The following PPP1R37 variants were observed in gnomAD, a reference collection of about 807,000 sequenced individuals.
PPP1R37 encodes protein phosphatase 1 regulatory subunit 37, also known as leucine rich repeat containing 68.
A neutral mutation model predicts 61.0 loss-of-function variants in PPP1R37; 21 were observed. That is an observed-to-expected ratio of 0.34 (90% CI 0.24 to 0.50). PPP1R37 has a LOEUF of 0.50. Ranked by LOEUF, PPP1R37 falls within the 20% of genes least tolerant of loss-of-function variation. PPP1R37 has a pLI of 0.98. For synonymous variants in PPP1R37, 443 were observed against 433.5 expected, an observed-to-expected ratio of 1.02 and a Z score of -0.27; for missense variants, 910 against 952.7, an observed-to-expected ratio of 0.96 and a Z score of 0.59.
At chr19:45,125,672 A>G (rs1449039525) in intron 1 of PPP1R37, among the ~76,000 whole-genome samples, 1 of 152,058 alleles carries the variant, frequency 6.6e-6, no homozygotes, top group East Asian at 1.9e-4. Context: ...CCTGTCCCTG[A>G]CCGATCATTG....
Position 45,146,597 on chromosome 19 carries a change from G to C in PPP1R37, c.*35G>C. ...TCCCTTTTTCCGGTCGGTCTGCGAT[G>C]AGCTGAGGCCAGAGCCATGAGAATC... On this transcript the variant is annotated 3_prime_UTR_variant, in exon 13 of 13. Coordinates refer to ENST00000221462, the MANE Select transcript of PPP1R37 (RefSeq NM_019121.2). The C allele has an allele frequency of 1.4e-6, 1 of 718,564 alleles. No individual in the cohort carries two copies. The highest frequency in any genetic ancestry group is 2.3e-6 in the Non-Finnish European group (1 of 431,406). The allele number at this position is 718,564 out of a possible 1,614,324, so 44.5% of individuals were successfully genotyped here.
rs543868323 is a variant in PPP1R37 at position 45,145,822 on chromosome 19, C to T, written c.1766C>T (p.Pro589Leu). 7.8e-6 allele frequency: 11 copies of T among 1,419,064 alleles called. No homozygotes were observed. The South Asian group carries it at 1.3e-4, about 17-fold the overall frequency. 87.9% of individuals were successfully genotyped at this position (1,419,064 alleles called of 1,614,324 possible). ...GCAGAGCCCCCTGCGTCCCCCACCC[C>T]TCCCTCTCCCCCACCCCCTCCCTCC... ...ERAEPPASPTPPSPPPPPSPP... is the reference protein window; with the variant it reads ...ERAEPPASPTLPSPPPPPSPP... Residue 589 changes from proline to leucine, a missense_variant, in exon 11 of 13, where the codon CCT (proline) becomes CTT (leucine). Pro to Leu is a moderately conservative substitution (Grantham distance 98). This residue lies in a region of PPP1R37 where 549 missense variants were observed against 505.1 expected (regional missense o/e 1.09). Transcript: ENST00000221462.
At position 45,141,198 on chromosome 19, in the gene PPP1R37, C is replaced by G. The variant is rs1227149423; in HGVS notation, c.448-124C>G. On this transcript the variant is annotated intron_variant, in intron 4 of 12. Coordinates refer to ENST00000221462, the MANE Select transcript of PPP1R37 (RefSeq NM_019121.2). ...GGGCCCTGTCTGTGCTTGTCCTCCTCTCCCGTGTGGCTCTCTCCAGACCCT... is the reference window on the plus strand; with the variant it reads ...GGGCCCTGTCTGTGCTTGTCCTCCTGTCCCGTGTGGCTCTCTCCAGACCCT... 17 of 1,089,152 alleles carry G rather than the reference C, an allele frequency of 1.6e-5. No homozygotes were observed. The East Asian group carries it at 4.1e-4, about 26-fold the overall frequency. 67.5% of individuals were successfully genotyped at this position (1,089,152 alleles called of 1,614,324 possible). A position where few individuals can be genotyped will look rare whatever the true frequency, so the allele number is the denominator to read the frequency against.
At chr19:45,128,582 G>T in intron 1 of PPP1R37, 1 of 1,263,744 alleles carries the variant, frequency 7.9e-7, no homozygotes. Context: ...CAGATGATTT[G>T]GACTTCGAGA....
intron 1 of PPP1R37, among the ~76,000 whole-genome samples, chr19:45,125,797 G>A (rs753973834): frequency 6.6e-6 from 1 of 152,192 alleles, no homozygotes; most frequent in African/African-American, 2.4e-5. Flanking sequence ...AGAGAGATTG[G>A]GTGACCAAGG....
chr19:45,142,805 T>C, intron 7 of PPP1R37: 1 of 264,390 alleles, frequency 3.8e-6, no homozygotes, highest in Non-Finnish European at 7.3e-6. Flanking sequence ...GAGGCTGCTT[T>C]CAGATGGGAG....
chr19:45,102,642 C>T (rs888588232), intron 1 of PPP1R37, among the ~76,000 whole-genome samples: 21 of 152,198 alleles, frequency 1.4e-4, no homozygotes, highest in African/African-American at 4.1e-4. Context: ...AGTGTGATTT[C>T]GGCTCCTCCA....
At chr19:45,110,116 C>CTTTTT (rs373508881) in intron 1 of PPP1R37, among the ~76,000 whole-genome samples, 4 of 142,490 alleles carry the variant, frequency 2.8e-5, no homozygotes, top group Non-Finnish European at 4.6e-5. Context: ...TTCCCTTTTT[C>CTTTTT]TTTTTTTTTT....
At chr19:45,126,506 G>C (rs1968406937) in intron 1 of PPP1R37, among the ~76,000 whole-genome samples, 1 of 152,208 alleles carries the variant, frequency 6.6e-6, no homozygotes, top group South Asian at 2.1e-4. Flanking sequence ...TGCCATGTTG[G>C]TGGTTATTTA....
rs971281025 is a variant in PPP1R37 at position 45,142,596 on chromosome 19, C to G, written c.874+138C>G. On this transcript the variant is annotated intron_variant, in intron 7 of 12. Transcript: ENST00000221462. ...CCTGCTGGGGCTCCCAGGAGGAAGA[C>G]AGACCCGCCCTAGACAGTGACAACC... 3.5e-5 allele frequency: 31 copies of G among 892,384 alleles called. No homozygotes were observed. In the African/African-American group the frequency reaches 5.2e-4, roughly 15 times the overall value. The allele number at this position is 892,384 out of a possible 1,614,324, so 55.3% of individuals were successfully genotyped here. A position where few individuals can be genotyped will look rare whatever the true frequency, so the allele number is the denominator to read the frequency against.
At chr19:45,101,267 G>T (rs1233074454) in intron 1 of PPP1R37, among the ~76,000 whole-genome samples, 1 of 152,196 alleles carries the variant, frequency 6.6e-6, no homozygotes, top group Non-Finnish European at 1.5e-5. Flanking sequence ...AGGGGTGGAA[G>T]GCAGAGAGAA....
intron 2 of PPP1R37, among the ~76,000 whole-genome samples, chr19:45,139,993 G>A (rs890707530): frequency 5.3e-5 from 8 of 152,052 alleles, no homozygotes; most frequent in Admixed American, 1.3e-4. Context: ...AGAGGGCTTC[G>A]CCCAGGCCTG....
Position 45,143,538 on chromosome 19 carries a change from G to C in PPP1R37, c.892G>C (p.Glu298Gln). The C allele has an allele frequency of 6.5e-7, 1 of 1,535,108 alleles. No homozygotes were observed. Among genetic ancestry groups the C allele is most frequent in the Non-Finnish European group, 8.7e-7 (1 of 1,146,114 alleles). Residue 298 changes from glutamate (E) to glutamine (Q), a missense_variant, in exon 8 of 13, where the codon GAG becomes CAG. Around this residue, in one of 3 missense-constraint regions of PPP1R37, gnomAD observed 280 missense variants for 382.2 expected, o/e 0.73. Transcript: ENST00000221462. ...VLDSGLAYICEGLKEQRKGLV... is the reference protein window; with the variant it reads ...VLDSGLAYICQGLKEQRKGLV... ...TCCTCCAGGTCTGGCCTACATCTGC[G>C]AGGGCCTCAAGGAGCAGAGGAAGGG... is the stretch of plus-strand genomic sequence containing the variant.
chr19:45,120,359 G>A (rs1968326937), intron 1 of PPP1R37, among the ~76,000 whole-genome samples: 3 of 152,082 alleles, frequency 2.0e-5, no homozygotes, highest in Non-Finnish European at 2.9e-5. Context: ...TGAGCATACC[G>A]TTCTGCACCT....
chr19:45,099,108 C>T (rs963701231), intron 1 of PPP1R37, among the ~76,000 whole-genome samples: 2 of 152,202 alleles, frequency 1.3e-5, no homozygotes, highest in African/African-American at 2.4e-5. Context: ...CATCACCACT[C>T]CTCTGCCCCC....
At chr19:45,107,799 A>C (rs1363035476) in intron 1 of PPP1R37, among the ~76,000 whole-genome samples, 1 of 152,172 alleles carries the variant, frequency 6.6e-6, no homozygotes, top group Non-Finnish European at 1.5e-5. Flanking sequence ...GATAAAAATA[A>C]AGCTGTGAGG....
rs889268204 is a variant in PPP1R37, at chr19:45,121,660, G to T, written c.203-16854G>T. Among the ~76,000 whole-genome samples, 8 of 152,214 alleles carry T rather than the reference G, an allele frequency of 5.3e-5. No individual in the cohort carries two copies. The highest frequency in any genetic ancestry group is 1.2e-4 in the Non-Finnish European group (8 of 68,032). On this transcript the variant is annotated intron_variant, in intron 1 of 12. Coordinates refer to ENST00000221462, the MANE Select transcript of PPP1R37 (RefSeq NM_019121.2). This position sits in a 1 kb window ranked among gnomAD's most constrained non-coding sequence, Gnocchi z 4.2. ...TGTGCAGTGTATACAGGGAGTCCAG[G>T]GGCTGGTGTGAGCCCTGCTCTTGAG...
chr19:45,108,939 CTTTTTTG>C (rs1968167056), intron 1 of PPP1R37: 2 of 152,110 alleles, frequency 1.3e-5, no homozygotes, highest in Admixed American at 1.3e-4. Context: ...CGTGCCTGGT[CTTTTTTG>C]TTTTTTGTAG....
chr19:45,124,499 C>T (rs1968377164), intron 1 of PPP1R37, among the ~76,000 whole-genome samples: 1 of 152,172 alleles, frequency 6.6e-6, no homozygotes, highest in Non-Finnish European at 1.5e-5. Flanking sequence ...TGAGACCTGA[C>T]TCTACCTGTC....
Sources: allele counts gnomAD v4.1 joint callset (sites outside exome capture counted in the v4.1 genomes callset), GRCh38; gene constraint gnomAD v4.1.1; regional missense constraint gnomAD v4.1.1; non-coding constraint Gnocchi (gnomAD v3.1); transcripts MANE v1.5; gene names NCBI Gene and HGNC (gene_info 2026-07-23, HGNC 2026-07-21).